NTNG1: variants seen among roughly 807,000 people sequenced by gnomAD.
The protein encoded by NTNG1 is netrin-G1.
In NTNG1, 16 loss-of-function variants were observed where a neutral mutation model predicts 54.0. That is an observed-to-expected ratio of 0.30 (90% CI 0.20 to 0.45). The LOEUF (loss-of-function observed/expected upper bound fraction) is 0.45. Ranked by LOEUF, NTNG1 falls within the 20% of genes least tolerant of loss-of-function variation. The pLI, the probability that NTNG1 is intolerant of heterozygous loss-of-function variation, is 1.00. For synonymous variants in NTNG1, 255 were observed against 263.1 expected, an observed-to-expected ratio of 0.97 and a Z score of 0.30; for missense variants, 530 against 678.7, an observed-to-expected ratio of 0.78 and a Z score of 2.43.
intron 2 of NTNG1, among the ~76,000 whole-genome samples, chr1:107,229,179 A>C (rs2101519690): frequency 6.6e-6 from 1 of 151,954 alleles, no homozygotes; most frequent in South Asian, 2.1e-4. Flanking sequence ...ATAAATGAAG[A>C]AGGGCTCTTC....
Position 107,151,776 on chromosome 1 carries a change from A to T in NTNG1, c.246+2937A>T, listed in dbSNP as rs114636403. Among the ~76,000 whole-genome samples the T allele has an allele frequency of 1.8e-3, 278 of 152,272 alleles. 1 individual carries two copies. Among genetic ancestry groups the T allele is most frequent in the African/African-American group, 6.4e-3 (266 of 41,566 alleles). On this transcript the variant is annotated intron_variant, in intron 2 of 7. Transcript: ENST00000370068. ...ATGAATGTTGCATTTATTTTAATAT[A>T]GAGTAAAATTTCAGGAAAAGAAGGA...
At chr1:107,336,995 A>G (rs1196327783) in intron 3 of NTNG1, among the ~76,000 whole-genome samples, 4 of 152,012 alleles carry the variant, frequency 2.6e-5, no homozygotes, top group African/African-American at 4.8e-5. Context: ...ACATGAAAAA[A>G]TTGGAGGGTT....
intron 2 of NTNG1, among the ~76,000 whole-genome samples, chr1:107,179,002 T>A (rs1292171298): frequency 1.3e-5 from 2 of 152,174 alleles, no homozygotes; most frequent in African/African-American, 4.8e-5. Context: ...TTTCAATATG[T>A]CCAAGCTTGA....
intron 3 of NTNG1, among the ~76,000 whole-genome samples, chr1:107,392,413 G>A (rs1018842196): frequency 3.9e-5 from 6 of 152,074 alleles, no homozygotes; most frequent in Non-Finnish European, 5.9e-5. Flanking sequence ...ATAAGAGTGC[G>A]CAAGGAGAGT....
upstream of NTNG1, chr1:107,140,227 T>C (rs1428571646): frequency 6.5e-6 from 1 of 152,742 alleles, no homozygotes; most frequent in Non-Finnish European, 1.5e-5. Flanking sequence ...ATCCTTCCAC[T>C]TGCTGGCAGT....
At chr1:107,321,826 CAG>C (rs1413009608) in intron 2 of NTNG1, among the ~76,000 whole-genome samples, 1 of 152,092 alleles carries the variant, frequency 6.6e-6, no homozygotes, top group Non-Finnish European at 1.5e-5. Flanking sequence ...AGGGCTACAA[CAG>C]AGGGAACTCC....
At chr1:107,208,441 A>AAAG (rs1553201434) in intron 2 of NTNG1, among the ~76,000 whole-genome samples, 370 of 149,870 alleles carry the variant, frequency 2.5e-3, no homozygotes, top group African/African-American at 8.9e-3. Context: ...AAAAAAAAAA[A>AAAG]AAAGAAAGAA....
intron 3 of NTNG1, among the ~76,000 whole-genome samples, chr1:107,363,617 T>A (rs1670415765): frequency 6.6e-6 from 1 of 152,196 alleles, no homozygotes; most frequent in Non-Finnish European, 1.5e-5. Flanking sequence ...ATTCACTTCA[T>A]GCTTTTATTT....
intron 7 of NTNG1, among the ~76,000 whole-genome samples, chr1:107,450,524 A>G (rs1676560313): frequency 6.6e-6 from 1 of 152,172 alleles, no homozygotes; most frequent in African/African-American, 2.4e-5. Context: ...TTAAGAAATC[A>G]ATTTACAAAC....
chr1:107,440,537 G>A (rs1029599920), intron 7 of NTNG1, among the ~76,000 whole-genome samples: 1 of 152,108 alleles, frequency 6.6e-6, no homozygotes, highest in East Asian at 1.9e-4. Context: ...TGTGGACCTC[G>A]TAGTACATAG....
chr1:107,415,371 T>C (rs560649806), intron 5 of NTNG1, among the ~76,000 whole-genome samples: 1 of 152,242 alleles, frequency 6.6e-6, no homozygotes, highest in East Asian at 1.9e-4. Flanking sequence ...ATATGCCTCA[T>C]ACATACAGGC....
intron 7 of NTNG1, among the ~76,000 whole-genome samples, chr1:107,452,431 T>C (rs1174410042): frequency 6.6e-6 from 1 of 152,168 alleles, no homozygotes; most frequent in East Asian, 1.9e-4. Context: ...AGTGGCACTA[T>C]GGTATAAATA....
chr1:107,376,196 G>C (rs888188043), intron 3 of NTNG1, among the ~76,000 whole-genome samples: 4 of 151,958 alleles, frequency 2.6e-5, no homozygotes, highest in Non-Finnish European at 5.9e-5. Flanking sequence ...AGAGGTGGGC[G>C]GATCATGAGG....
intron 2 of NTNG1, among the ~76,000 whole-genome samples, chr1:107,232,848 T>C (rs966637125): frequency 6.6e-6 from 1 of 152,160 alleles, no homozygotes; most frequent in Non-Finnish European, 1.5e-5. Context: ...ATAGACATTA[T>C]CTGATAATGA....
intron 2 of NTNG1, among the ~76,000 whole-genome samples, chr1:107,275,269 C>T (rs913049285): frequency 2.0e-5 from 3 of 151,940 alleles, no homozygotes; most frequent in East Asian, 1.9e-4. Flanking sequence ...CTCAGCTACT[C>T]GGGAGGCTGA....
chr1:107,457,854 G>A (rs551830567), intron 7 of NTNG1, among the ~76,000 whole-genome samples: 1 of 152,092 alleles, frequency 6.6e-6, no homozygotes. Context: ...ATTTTGGGGG[G>A]CTTTTTGTGT....
chr1:107,240,832 A>G (rs1054274434), intron 2 of NTNG1, among the ~76,000 whole-genome samples: 6 of 152,210 alleles, frequency 3.9e-5, no homozygotes, highest in South Asian at 2.1e-4. Flanking sequence ...TTGCTGCCAT[A>G]TGCTGGAAAA....
intron 3 of NTNG1, among the ~76,000 whole-genome samples, chr1:107,340,099 A>G (rs1312288378): frequency 1.3e-5 from 2 of 152,114 alleles, no homozygotes; most frequent in South Asian, 2.1e-4. Context: ...ATTTCTAAAC[A>G]ATTATCTCCA....
chr1:107,145,881 G>A (rs1030666307), intron 1 of NTNG1, among the ~76,000 whole-genome samples: 6 of 151,974 alleles, frequency 3.9e-5, no homozygotes, highest in African/African-American at 9.7e-5. Flanking sequence ...ATGAGAATTC[G>A]TTATATTGGG....
Sources: gnomAD v4.1 joint callset for allele counts (sites outside exome capture counted in the v4.1 genomes callset) on GRCh38, gnomAD v4.1.1 for gene constraint, MANE v1.5 for transcripts, NCBI Gene and HGNC (gene_info 2026-07-23, HGNC 2026-07-21) for gene names.